The following USP15 variants were observed in gnomAD, a reference collection of about 807,000 sequenced individuals.
USP15 encodes ubiquitin specific peptidase 15, also known as ubiquitin carboxyl-terminal hydrolase 15.
In USP15, 18 loss-of-function variants were observed where a neutral mutation model predicts 127.1. That is an observed-to-expected ratio of 0.14 (90% CI 0.10 to 0.21). The LOEUF is 0.21. USP15 is among the 10% of genes least tolerant of loss of function. The pLI, the probability that USP15 is intolerant of heterozygous loss-of-function variation, is 1.00. For missense variants in USP15, 805 were observed against 1,159.9 expected (o/e 0.69, Z 4.44); for synonymous variants, 364 against 393.7 (o/e 0.92, Z 0.89).
chr12:62,290,146 T>C (rs1373720216), intron 1 of USP15, among the ~76,000 whole-genome samples: 1 of 152,170 alleles, frequency 6.6e-6, no homozygotes, highest in Non-Finnish European at 1.5e-5. Flanking sequence ...TAGAGTCCAA[T>C]TTAATTCTGG....
At chr12:62,387,705 A>G (rs571317268) in intron 11 of USP15, among the ~76,000 whole-genome samples, 2 of 152,190 alleles carry the variant, frequency 1.3e-5, no homozygotes, top group Non-Finnish European at 2.9e-5. Context: ...GGAAGTTATG[A>G]TAATATAGAT....
At chr12:62,357,292 G>T (rs1004968329) in intron 8 of USP15, among the ~76,000 whole-genome samples, 1 of 151,994 alleles carries the variant, frequency 6.6e-6, no homozygotes, top group Non-Finnish European at 1.5e-5. Flanking sequence ...ATGGTTAACT[G>T]CAATTTCTCA....
In USP15 at chr12:62,383,890, C is replaced by T. The variant is rs754929056; in HGVS notation, c.1140C>T (p.Asp380=). Residue 380 remains aspartate (D), a synonymous_variant, in exon 10 of 22, where the codon GAC becomes GAT. Transcript: ENST00000280377. ...AGTTCTCTGGATATCAGCAGCAAGA[C>T]TGTCAAGAACTGTTAGCTTTCCTAT... is the stretch of plus-strand genomic sequence containing the variant. ...APQFSGYQQQ[D]CQELLAFLLD... is the part of the protein sequence containing the mutation. 1.2e-6 allele frequency: 2 copies of T among 1,612,784 alleles called. No individual in the cohort carries two copies. The highest frequency in any genetic ancestry group is 1.7e-5 in the Admixed American group (1 of 59,922).
At chr12:62,272,443 A>G (rs140837501) in intron 1 of USP15, among the ~76,000 whole-genome samples, 159 of 152,148 alleles carry the variant, frequency 1.0e-3, no homozygotes, top group African/African-American at 3.6e-3. Context: ...CAGCATAAAC[A>G]TGTACAAATC....
chr12:62,298,830 CAAAAAAAAAAAA>C lies in USP15; in HGVS notation c.218-3948_218-3937del, dbSNP rs1163091790. ...GGTGACAGAGTAAGACCCTGTCTTG[CAAAAAAAAAAAA>C]AAAAAAAAAAAGAATGAGTGAAATA... On this transcript the variant is annotated intron_variant, in intron 2 of 21. Transcript: ENST00000280377. Among the ~76,000 whole-genome samples the C allele has an allele frequency of 1.8e-4, 12 of 65,044 alleles. No homozygotes were observed. The South Asian group carries it at 4.6e-3, about 25-fold the overall frequency. The allele number at this position is 65,044 out of a possible 152,430, so 42.7% of individuals were successfully genotyped here.
intron 1 of USP15, among the ~76,000 whole-genome samples, chr12:62,277,921 CT>C (rs2063539277): frequency 6.6e-6 from 1 of 152,026 alleles, no homozygotes; most frequent in Admixed American, 6.6e-5. Context: ...ATAAAATTAA[CT>C]TTAGCTTACT....
chr12:62,411,742 A>G lies in USP15; in HGVS notation c.*7367A>G, dbSNP rs1053225125. ...CAGTTCTGGAGGCTGGGAATCTGAG[A>G]TCAGGGTACCAGTATACTGGGTTTC... On this transcript the variant is annotated 3_prime_UTR_variant, in exon 22 of 22. Coordinates refer to ENST00000280377, the MANE Select transcript of USP15 (RefSeq NM_001252078.2). 1 of 152,190 alleles carries G rather than the reference A, an allele frequency of 6.6e-6. No individual in the cohort carries two copies. Among genetic ancestry groups the G allele is most frequent in the African/African-American group, 2.4e-5 (1 of 41,436 alleles). The allele number at this position is 152,190 out of a possible 1,614,324, so 9.4% of individuals were successfully genotyped here.
At chr12:62,264,333 A>G (rs1359306485) in intron 1 of USP15, among the ~76,000 whole-genome samples, 1 of 152,206 alleles carries the variant, frequency 6.6e-6, no homozygotes, top group Non-Finnish European at 1.5e-5. Flanking sequence ...TAAGTAAAAC[A>G]TAACCACAAA....
chr12:62,378,188 CAG>C (rs1345948999), intron 8 of USP15, among the ~76,000 whole-genome samples: 1 of 152,112 alleles, frequency 6.6e-6, no homozygotes, highest in Non-Finnish European at 1.5e-5. Flanking sequence ...GCCTGGGTGA[CAG>C]AGTGAGACTC....
intron 6 of USP15, chr12:62,335,725 A>G: frequency 2.0e-6 from 2 of 985,498 alleles, no homozygotes; most frequent in Non-Finnish European, 2.4e-6. Flanking sequence ...TTTCTTTGAC[A>G]GCCACCTACA....
At chr12:62,382,039 A>C (rs2067005788) in intron 9 of USP15, among the ~76,000 whole-genome samples, 1 of 152,048 alleles carries the variant, frequency 6.6e-6, no homozygotes, top group South Asian at 2.1e-4. Flanking sequence ...ATACAAATGT[A>C]AAAGACTAAA....
At chr12:62,260,672 C>A (rs942904565) in intron 1 of USP15, among the ~76,000 whole-genome samples, 169 bp downstream of exon 1, 1 of 152,106 alleles carries the variant, frequency 6.6e-6, no homozygotes, top group Non-Finnish European at 1.5e-5. Context: ...AGGTTGGACT[C>A]TAGATGAGGG....
At chr12:62,366,580 A>G (rs1180352528) in intron 8 of USP15, among the ~76,000 whole-genome samples, 2 of 152,266 alleles carry the variant, frequency 1.3e-5, no homozygotes, top group East Asian at 1.9e-4. Context: ...AGAACTTCCA[A>G]TAATATGTTG....
intron 6 of USP15, among the ~76,000 whole-genome samples, chr12:62,336,868 A>G (rs2065483648): frequency 6.6e-6 from 1 of 152,234 alleles, no homozygotes; most frequent in Non-Finnish European, 1.5e-5. Flanking sequence ...GATCATTAAT[A>G]CTACATCAAA....
At chr12:62,366,915 G>A (rs544863333) in intron 8 of USP15, among the ~76,000 whole-genome samples, 1 of 152,278 alleles carries the variant, frequency 6.6e-6, no homozygotes, top group African/African-American at 2.4e-5. Flanking sequence ...TAATCATGGT[G>A]GATAAGCTTT....
intron 8 of USP15, among the ~76,000 whole-genome samples, chr12:62,362,737 A>T (rs1316637261): frequency 6.6e-6 from 1 of 152,214 alleles, no homozygotes; most frequent in Non-Finnish European, 1.5e-5. Context: ...CATGATGAAC[A>T]AAACAGTTTT....
At chr12:62,315,073 A>G (rs374838864) in intron 4 of USP15, 157 bp downstream of exon 4, 15 of 698,360 alleles carry the variant, frequency 2.1e-5, no homozygotes, top group Middle Eastern at 4.7e-4. Context: ...TAAATTATTT[A>G]TTGTTTCTTG....
intron 16 of USP15, 49 bp downstream of exon 16, chr12:62,391,478 TA>T: frequency 1.9e-6 from 3 of 1,568,682 alleles, no homozygotes; most frequent in Non-Finnish European, 1.7e-6. Flanking sequence ...CCGAGCATGT[TA>T]TTTTTTTTTT....
At chr12:62,264,400 A>G (rs567322060) in intron 1 of USP15, among the ~76,000 whole-genome samples, 4 of 152,344 alleles carry the variant, frequency 2.6e-5, no homozygotes, top group Admixed American at 1.3e-4. Flanking sequence ...TCATCTGCCA[A>G]TCATTTTCAG....
Sources: allele counts gnomAD v4.1 joint callset (sites outside exome capture counted in the v4.1 genomes callset), GRCh38; gene constraint gnomAD v4.1.1; transcripts MANE v1.5; gene names NCBI Gene and HGNC (gene_info 2026-07-23, HGNC 2026-07-21).